TMEM178B: variants seen among roughly 807,000 people sequenced by gnomAD.
TMEM178B encodes the protein transmembrane protein 178B.
A neutral mutation model predicts 31.0 loss-of-function variants in TMEM178B; 5 were observed. The observed-to-expected ratio is 0.16, with a 90% CI of 0.08 to 0.34. The LOEUF is 0.34. Ranked by LOEUF, TMEM178B falls within the 10% of genes least tolerant of loss-of-function variation. The pLI is 1.00. For synonymous variants in TMEM178B, 164 were observed against 164.0 expected, an observed-to-expected ratio of 1.00 and a Z score of 0.00; for missense variants, 275 against 400.3, an observed-to-expected ratio of 0.69 and a Z score of 2.67.
intron 2 of TMEM178B, among the ~76,000 whole-genome samples, chr7:141,271,692 C>T (rs140463130): frequency 3.9e-5 from 6 of 152,296 alleles, no homozygotes; most frequent in South Asian, 4.1e-4. Flanking sequence ...GGGTTGCCTG[C>T]GCTCTTTCAC....
Position 141,220,558 on chromosome 7 carries a change from G to C in TMEM178B, c.496+7854G>C, listed in dbSNP as rs560414883. Among the ~76,000 whole-genome samples, 678 of 151,964 alleles carry C rather than the reference G, an allele frequency of 4.5e-3. 3 individuals are homozygous for C. Among genetic ancestry groups the C allele is most frequent in the African/African-American group, 0.015 (637 of 41,428 alleles). On this transcript the variant is annotated intron_variant, in intron 2 of 3. Transcript: ENST00000565468. Reference sequence around the variant, plus strand: ...AGGAGGCCTGGAGTAGGGGTGGGAGGGAGTACAGTACAGCCTTTTCTGTTA... The same window carrying C: ...AGGAGGCCTGGAGTAGGGGTGGGAGCGAGTACAGTACAGCCTTTTCTGTTA...
chr7:141,500,549 G>T, the TMEM178B span, among the ~76,000 whole-genome samples: 1 of 152,134 alleles, frequency 6.6e-6, no homozygotes, highest in African/African-American at 2.4e-5. Flanking sequence ...GTACTACAAG[G>T]TCACATAGCT....
At chr7:141,503,175 G>A in the TMEM178B span, among the ~76,000 whole-genome samples, 2,077 of 152,274 alleles carry the variant, frequency 0.014, 45 homozygotes, top group African/African-American at 0.047. Context: ...TATTTTACAC[G>A]TGGAGTCAAC....
intron 2 of TMEM178B, among the ~76,000 whole-genome samples, chr7:141,413,669 A>C (rs1307000934): frequency 6.6e-6 from 1 of 152,226 alleles, no homozygotes; most frequent in Non-Finnish European, 1.5e-5. Context: ...TGTGGAATCC[A>C]AATGCCTCCA....
intron 2 of TMEM178B, among the ~76,000 whole-genome samples, chr7:141,326,055 C>T (rs1450627539): frequency 6.6e-6 from 1 of 152,240 alleles, no homozygotes; most frequent in African/African-American, 2.4e-5. Flanking sequence ...TGTGAATAAC[C>T]CTATTTTTAT....
intron 3 of TMEM178B, among the ~76,000 whole-genome samples, chr7:141,441,991 A>G (rs1801669405): frequency 2.0e-5 from 3 of 152,182 alleles, no homozygotes. Flanking sequence ...CCTTCAGGGG[A>G]GAATCTCGCC....
At position 141,474,930 on chromosome 7, in the gene TMEM178B, T is replaced by C. The variant is rs1203779640; in HGVS notation, c.*4144T>C. Reference sequence around the variant, plus strand: ...TGAGTGTTAAGTGATTTTTCAAATATCTGGGGGAAGGAGTGGGAAGAGATA... The same window carrying C: ...TGAGTGTTAAGTGATTTTTCAAATACCTGGGGGAAGGAGTGGGAAGAGATA... On this transcript the variant is annotated 3_prime_UTR_variant, in exon 4 of 4. Transcript: ENST00000565468. 1 of 152,214 alleles carries C rather than the reference T, an allele frequency of 6.6e-6. No individual in the cohort carries two copies. The highest frequency in any genetic ancestry group is 1.5e-5 in the Non-Finnish European group (1 of 68,054). The allele number at this position is 152,214 out of a possible 1,614,324, so 9.4% of individuals were successfully genotyped here.
chr7:141,362,026 A>G (rs112203667), intron 2 of TMEM178B, among the ~76,000 whole-genome samples: 4 of 152,370 alleles, frequency 2.6e-5, no homozygotes, highest in African/African-American at 9.6e-5. Context: ...AAGGCAAAAC[A>G]TCTTTAGTGC....
At chr7:141,313,983 C>A (rs1325761219) in intron 2 of TMEM178B, among the ~76,000 whole-genome samples, 3 of 152,158 alleles carry the variant, frequency 2.0e-5, no homozygotes, top group Non-Finnish European at 2.9e-5. Context: ...TAAACGATTC[C>A]AGTGAGATCT....
At chr7:141,182,739 G>T (rs537671958) in intron 1 of TMEM178B, among the ~76,000 whole-genome samples, 277 of 152,280 alleles carry the variant, frequency 1.8e-3, no homozygotes, top group Middle Eastern at 3.4e-3. Context: ...TACTGTTCTT[G>T]TGGTGGTGAA....
At chr7:141,494,764 T>C in the TMEM178B span, among the ~76,000 whole-genome samples, 3 of 152,116 alleles carry the variant, frequency 2.0e-5, no homozygotes, top group African/African-American at 7.2e-5. Flanking sequence ...AAAAATTATG[T>C]TAATTATTTT....
intron 3 of TMEM178B, among the ~76,000 whole-genome samples, chr7:141,464,237 A>G (rs1040922100): frequency 6.6e-6 from 1 of 152,148 alleles, no homozygotes; most frequent in African/African-American, 2.4e-5. Context: ...CCCTCCTTCA[A>G]GACTCTACTC....
chr7:141,467,347 C>A (rs1321383503), intron 3 of TMEM178B, among the ~76,000 whole-genome samples: 1 of 152,168 alleles, frequency 6.6e-6, no homozygotes, highest in Non-Finnish European at 1.5e-5. Context: ...ACACATCACA[C>A]ACATGCACAA....
chr7:141,508,052 T>C, the TMEM178B span, among the ~76,000 whole-genome samples: 1 of 152,216 alleles, frequency 6.6e-6, no homozygotes, highest in African/African-American at 2.4e-5. Flanking sequence ...TTTTTATCAC[T>C]TAGTCAGGCT....
chr7:141,267,006 C>T (rs753781112), intron 2 of TMEM178B, among the ~76,000 whole-genome samples: 3 of 152,184 alleles, frequency 2.0e-5, no homozygotes, highest in Non-Finnish European at 4.4e-5. Context: ...AGGCTTTGCC[C>T]TTGGCCAGGG....
At chr7:141,437,570 G>C (rs1801569737) in intron 2 of TMEM178B, 38 bp from the exon 3 acceptor site, 1 of 1,534,184 alleles carries the variant, frequency 6.5e-7, no homozygotes, top group African/African-American at 1.4e-5. Context: ...TCAGTCCCAG[G>C]CTCTGCTGCT....
chr7:141,118,684 G>A (rs948752739), intron 1 of TMEM178B, among the ~76,000 whole-genome samples: 15 of 152,050 alleles, frequency 9.9e-5, no homozygotes, highest in African/African-American at 3.6e-4. Flanking sequence ...GCAACACTAG[G>A]GTAGAAAATA....
chr7:141,332,951 T>G (rs1799322089), intron 2 of TMEM178B, among the ~76,000 whole-genome samples: 1 of 152,262 alleles, frequency 6.6e-6, no homozygotes, highest in African/African-American at 2.4e-5. Context: ...GATCTCCTTT[T>G]GCTCACACCA....
At chr7:141,499,901 C>A in the TMEM178B span, among the ~76,000 whole-genome samples, 1 of 152,132 alleles carries the variant, frequency 6.6e-6, no homozygotes, top group Non-Finnish European at 1.5e-5. Context: ...TGATCACAAA[C>A]GTAATGTGAT....
Sources: allele counts gnomAD v4.1 joint callset (sites outside exome capture counted in the v4.1 genomes callset), GRCh38; gene constraint gnomAD v4.1.1; transcripts MANE v1.5; gene names NCBI Gene and HGNC (gene_info 2026-07-23, HGNC 2026-07-21).